The following ABCA9 variants were observed in gnomAD, a reference collection of about 807,000 sequenced individuals.
ABCA9 encodes ATP binding cassette subfamily A member 9, also known as ATP-binding cassette sub-family A member 9.
Under a neutral mutation model 205.3 loss-of-function variants are expected in ABCA9, and 183 were observed. The observed-to-expected ratio is 0.89, with a 90% CI of 0.79 to 1.01. The LOEUF is 1.01. ABCA9 is among the 50% of genes least tolerant of loss of function. The pLI is 0.00. For missense variants in ABCA9, 1,805 were observed against 1,912.4 expected, an observed-to-expected ratio of 0.94 and a Z score of 1.05; for synonymous variants, 651 against 683.3, an observed-to-expected ratio of 0.95 and a Z score of 0.74.
intron 25 of ABCA9, among the ~76,000 whole-genome samples, chr17:69,006,122 G>A (rs1041945452): frequency 1.3e-5 from 2 of 152,064 alleles, no homozygotes; most frequent in African/African-American, 4.8e-5. Flanking sequence ...TTTACTCATG[G>A]TATTTTATTT....
At chr17:68,996,104 G>T (rs751821357) in intron 25 of ABCA9, 90 bp from the exon 26 acceptor site, 3 of 1,390,184 alleles carry the variant, frequency 2.2e-6, no homozygotes, top group African/African-American at 2.9e-5. Flanking sequence ...ATTTATAAAC[G>T]TTGTTATTTT....
At chr17:69,074,792 T>C in the ABCA9 span, among the ~76,000 whole-genome samples, 1 of 152,214 alleles carries the variant, frequency 6.6e-6, no homozygotes, top group South Asian at 2.1e-4. Flanking sequence ...TTTGGTTATA[T>C]ACCCAATAAT....
At chr17:69,045,404 G>A in intron 3 of ABCA9, 68 bp from the exon 4 acceptor site, 1 of 1,430,468 alleles carries the variant, frequency 7.0e-7, no homozygotes, top group Non-Finnish European at 9.3e-7. Flanking sequence ...ATTCAATTAT[G>A]TTGAGGTTAT....
At chr17:69,064,950 T>C (rs1369776847), upstream of ABCA9, among the ~76,000 whole-genome samples, 2 of 152,252 alleles carry the variant, frequency 1.3e-5, no homozygotes, top group Admixed American at 1.3e-4. Flanking sequence ...TTTTTGTTTA[T>C]AGCTCTGACT....
chr17:69,023,203 A>G lies in ABCA9; in HGVS notation c.2281+1011T>C, dbSNP rs550658019. 13 of 152,308 alleles carry G rather than the reference A, an allele frequency of 8.5e-5. No homozygotes were observed. Among genetic ancestry groups the G allele is most frequent in the Admixed American group, 6.5e-4 (10 of 15,292 alleles). The allele number at this position is 152,308 out of a possible 1,614,324, so 9.4% of individuals were successfully genotyped here. A position where few individuals can be genotyped will look rare whatever the true frequency, so the allele number is the denominator to read the frequency against. Reference sequence around the variant, plus strand: ...CTTTGTGTTTCTTTCTTAGTGGTACATCCTGTAGTTGAGGGCTTCTTACAC... The same window carrying G: ...CTTTGTGTTTCTTTCTTAGTGGTACGTCCTGTAGTTGAGGGCTTCTTACAC... On this transcript the variant is annotated intron_variant, in intron 17 of 38. Transcript: ENST00000340001. This position sits in a 1 kb window ranked among gnomAD's most constrained non-coding sequence, Gnocchi z 4.2.
chr17:69,056,704 C>A (rs2072079876), intron 1 of ABCA9, among the ~76,000 whole-genome samples: 1 of 152,094 alleles, frequency 6.6e-6, no homozygotes, highest in Admixed American at 6.5e-5. Flanking sequence ...GTCCTTCATC[C>A]CCTGGGATAT....
rs1395983945 is a variant in ABCA9 at position 68,992,284 on chromosome 17, C to T, written c.3625-18G>A. ...AGGTAAGGCTAGGGAAAAAGAAAGA[C>T]AATCACAATTAGTATCACTATAAAT... is the stretch of plus-strand genomic sequence containing the variant. On this transcript the variant is annotated intron_variant, in intron 27 of 38. Coordinates refer to ENST00000340001, the MANE Select transcript of ABCA9 (RefSeq NM_080283.4). 2 of 1,438,134 alleles carry T rather than the reference C, an allele frequency of 1.4e-6. No homozygotes were observed. Among genetic ancestry groups the T allele is most frequent in the South Asian group, 1.3e-5 (1 of 78,240 alleles). The allele number at this position is 1,438,134 out of a possible 1,614,324, so 89.1% of individuals were successfully genotyped here.
intron 19 of ABCA9, among the ~76,000 whole-genome samples, chr17:69,019,179 C>T (rs2070735106): frequency 6.6e-6 from 1 of 152,000 alleles, no homozygotes; most frequent in African/African-American, 2.4e-5. Flanking sequence ...CAATATTGTT[C>T]TAAATGTTTG....
Position 68,974,524 on chromosome 17 carries a change from A to G in ABCA9, c.*1391T>C, listed in dbSNP as rs1334649748. The G allele has an allele frequency of 6.6e-6, 1 of 152,250 alleles. No homozygotes were observed. 9.4% of individuals were successfully genotyped at this position (152,250 alleles called of 1,614,324 possible). A position where few individuals can be genotyped will look rare whatever the true frequency, so the allele number is the denominator to read the frequency against. ...TGGAAGTGTTTTATTTTCAAAAACT[A>G]GAAGAATATAAGAACTAAAATCAAA... On this transcript the variant is annotated 3_prime_UTR_variant, in exon 39 of 39. Transcript: ENST00000340001.
At chr17:69,013,832 C>CTT (rs1156605063) in intron 22 of ABCA9, among the ~76,000 whole-genome samples, 6 of 151,992 alleles carry the variant, frequency 3.9e-5, no homozygotes, top group Non-Finnish European at 7.4e-5. Flanking sequence ...GAGCCTGGTA[C>CTT]TTTACTTTAG....
At chr17:69,019,576 T>A (rs2070746601) in intron 19 of ABCA9, among the ~76,000 whole-genome samples, 2 of 152,140 alleles carry the variant, frequency 1.3e-5, no homozygotes, top group African/African-American at 4.8e-5. Context: ...TGTTATTTAC[T>A]ATATGTCTAA....
chr17:69,015,971 G>T (rs948841814), intron 22 of ABCA9, among the ~76,000 whole-genome samples: 13 of 16,108 alleles, frequency 8.1e-4, no homozygotes, highest in African/African-American at 3.1e-3. Flanking sequence ...ATTCTAAATT[G>T]TGTGTGTGTG....
At chr17:68,977,033 CAT>C (rs1274300893) in intron 37 of ABCA9, among the ~76,000 whole-genome samples, 1 of 108,088 alleles carries the variant, frequency 9.3e-6, no homozygotes, top group Non-Finnish European at 2.5e-5. Flanking sequence ...TATCTGGAAA[CAT>C]GTGAAGAAGA....
intron 36 of ABCA9, 39 bp from the exon 37 acceptor site, chr17:68,982,680 A>C (rs1213124797): frequency 6.5e-7 from 1 of 1,548,310 alleles, no homozygotes; most frequent in Non-Finnish European, 8.9e-7. Context: ...TCCAGGTGTC[A>C]AGGTTGAAAC....
intron 25 of ABCA9, among the ~76,000 whole-genome samples, chr17:68,999,924 T>G (rs906314097): frequency 6.6e-6 from 1 of 152,210 alleles, no homozygotes; most frequent in Non-Finnish European, 1.5e-5. Context: ...ATAAATGTCT[T>G]CTTTTGAGAA....
At chr17:69,073,335 G>A in the ABCA9 span, among the ~76,000 whole-genome samples, 1 of 152,008 alleles carries the variant, frequency 6.6e-6, no homozygotes, top group Non-Finnish European at 1.5e-5. Context: ...CTCTAAAATC[G>A]ACCACATAGT....
At chr17:68,988,250 G>A (rs1036777072) in intron 31 of ABCA9, among the ~76,000 whole-genome samples, 2 of 152,120 alleles carry the variant, frequency 1.3e-5, no homozygotes, top group South Asian at 4.1e-4. Context: ...TTTGGCTTCT[G>A]TCCATCATTT....
the ABCA9 span, among the ~76,000 whole-genome samples, chr17:69,066,739 A>G: frequency 6.6e-6 from 1 of 152,178 alleles, no homozygotes; most frequent in Non-Finnish European, 1.5e-5. Context: ...TAGGAAGCAA[A>G]TTCTAAGAAC....
intron 31 of ABCA9, among the ~76,000 whole-genome samples, chr17:68,987,383 G>T (rs534766005): frequency 6.6e-6 from 1 of 152,200 alleles, no homozygotes; most frequent in East Asian, 1.9e-4. Flanking sequence ...AAGTAAACAC[G>T]TAAGTGAACA....
Sources: allele counts gnomAD v4.1 joint callset (sites outside exome capture counted in the v4.1 genomes callset), GRCh38; gene constraint gnomAD v4.1.1; non-coding constraint Gnocchi (gnomAD v3.1); transcripts MANE v1.5; gene names NCBI Gene and HGNC (gene_info 2026-07-23, HGNC 2026-07-21).